The following SV2C variants were observed in gnomAD, a reference collection of about 807,000 sequenced individuals.
SV2C encodes the protein solute carrier family 22 member B3.
In SV2C, 49 loss-of-function variants were observed where a neutral mutation model predicts 79.7. That is an observed-to-expected ratio of 0.61 (90% CI 0.49 to 0.78). The LOEUF (loss-of-function observed/expected upper bound fraction) is 0.78, where lower values mean the gene tolerates loss of function less well. Among genes scored for constraint, SV2C ranks in the 30% least tolerant of loss-of-function variants. SV2C has a pLI of 0.00. For missense variants in SV2C, 833 were observed against 912.9 expected (o/e 0.91, Z 1.13); for synonymous variants, 334 against 333.2 (o/e 1.00, Z -0.03).
chr5:76,253,324 C>A (rs1181262256), intron 4 of SV2C, among the ~76,000 whole-genome samples: 2 of 152,118 alleles, frequency 1.3e-5, no homozygotes, highest in Non-Finnish European at 2.9e-5. Context: ...CGAGATCTCA[C>A]TCTGTCGCCC....
intron 4 of SV2C, among the ~76,000 whole-genome samples, chr5:76,221,856 C>T (rs934920818): frequency 2.0e-5 from 3 of 151,924 alleles, no homozygotes; most frequent in Non-Finnish European, 2.9e-5. Context: ...ACAAAGGCAC[C>T]CATACCTATG....
At chr5:75,999,375 AAGAGAGAGAGAGAG>A in the SV2C span, among the ~76,000 whole-genome samples, 7 of 134,808 alleles carry the variant, frequency 5.2e-5, no homozygotes, top group South Asian at 5.4e-4. Flanking sequence ...GGGAGGGAGA[AAGAGAGAGAGAGAG>A]AGAGAGAGAG....
chr5:76,266,203 T>C (rs918858798), intron 4 of SV2C, among the ~76,000 whole-genome samples: 5 of 152,060 alleles, frequency 3.3e-5, no homozygotes, highest in African/African-American at 1.2e-4. Flanking sequence ...AGTTTATCCT[T>C]TTTTATTTTA....
downstream of SV2C, among the ~76,000 whole-genome samples, chr5:76,336,851 G>A (rs1749339932): frequency 6.6e-6 from 1 of 152,216 alleles, no homozygotes; most frequent in African/African-American, 2.4e-5. Context: ...AGTGTATCAG[G>A]GATGATGGCA....
chr5:76,042,169 C>T, the SV2C span, among the ~76,000 whole-genome samples: 1 of 152,154 alleles, frequency 6.6e-6, no homozygotes, highest in African/African-American at 2.4e-5. Flanking sequence ...CATTCAGGCC[C>T]TTCTTCTTAA....
intron 12 of SV2C, among the ~76,000 whole-genome samples, chr5:76,313,036 C>T (rs780194173): frequency 5.3e-5 from 8 of 152,156 alleles, no homozygotes; most frequent in African/African-American, 1.9e-4. Flanking sequence ...ACCAGCTGTG[C>T]GACCTCAGGG....
chr5:76,033,890 T>C, the SV2C span, among the ~76,000 whole-genome samples: 2 of 151,636 alleles, frequency 1.3e-5, no homozygotes, highest in Non-Finnish European at 3.0e-5. Context: ...GCATGGAATG[T>C]TCTTCCATTT....
Position 76,132,047 on chromosome 5 carries a change from G to T in SV2C, c.297G>T (p.Met99Ile). Reference protein sequence around the residue: ...YEGEYQGIPSMNQAKDSIVSV... With the variant: ...YEGEYQGIPSINQAKDSIVSV... ...GGGAGTATCAGGGCATCCCCAGTATGAACCAAGCGAAGGACAGCATCGTGT... is the reference window on the plus strand; with the variant it reads ...GGGAGTATCAGGGCATCCCCAGTATTAACCAAGCGAAGGACAGCATCGTGT... The change falls in exon 2 of 13, where the codon ATG (methionine) becomes ATT (isoleucine). Residue 99 changes from methionine (M) to isoleucine (I), a missense_variant. By Grantham distance (10) the Met-to-Ile change is conservative. Coordinates refer to ENST00000502798, the MANE Select transcript of SV2C (RefSeq NM_014979.4). 6.2e-7 allele frequency: 1 copy of T among 1,611,888 alleles called. No homozygotes were observed. The highest frequency in any genetic ancestry group is 8.5e-7 in the Non-Finnish European group (1 of 1,178,704).
chr5:75,916,207 C>T, the SV2C span, among the ~76,000 whole-genome samples: 1 of 151,902 alleles, frequency 6.6e-6, no homozygotes, highest in African/African-American at 2.4e-5. Flanking sequence ...TCCTCTTCCT[C>T]CTCCTCCTCT....
intron 4 of SV2C, among the ~76,000 whole-genome samples, chr5:76,248,805 G>A (rs1029445693): frequency 1.3e-5 from 2 of 152,040 alleles, no homozygotes; most frequent in Non-Finnish European, 2.9e-5. Flanking sequence ...TTTTAGTAGA[G>A]ACAGGATTTC....
chr5:75,904,369 A>AAAAACAAAAC, the SV2C span, among the ~76,000 whole-genome samples: 8,799 of 149,084 alleles, frequency 0.059, 937 homozygotes, highest in African/African-American at 0.22. Flanking sequence ...CAGTCCTCAA[A>AAAAACAAAAC]AAAACAAAAC....
chr5:75,897,426 T>G, the SV2C span, among the ~76,000 whole-genome samples: 2 of 151,602 alleles, frequency 1.3e-5, no homozygotes, highest in Non-Finnish European at 2.9e-5. Flanking sequence ...CATTGATCTA[T>G]ATCTCTGTTT....
At chr5:76,099,453 T>C (rs1747668617) in intron 1 of SV2C, among the ~76,000 whole-genome samples, 1 of 151,952 alleles carries the variant, frequency 6.6e-6, no homozygotes, top group African/African-American at 2.4e-5. Flanking sequence ...ACTCAGGAAA[T>C]GATGACATCG....
chr5:76,019,825 G>C, the SV2C span, among the ~76,000 whole-genome samples: 45 of 152,296 alleles, frequency 3.0e-4, no homozygotes, highest in Non-Finnish European at 5.1e-4. Context: ...TAATACGAAT[G>C]AAAGGGATTT....
chr5:76,158,293 G>A (rs539761745), intron 2 of SV2C, among the ~76,000 whole-genome samples: 2 of 151,858 alleles, frequency 1.3e-5, no homozygotes, highest in East Asian at 3.9e-4. Context: ...ACTATATACT[G>A]TCTACAGAGC....
chr5:75,873,455 C>T, the SV2C span, among the ~76,000 whole-genome samples: 1 of 152,082 alleles, frequency 6.6e-6, no homozygotes, highest in Non-Finnish European at 1.5e-5. Context: ...TACAGGTTCT[C>T]ATATCTCAGA....
At chr5:76,093,305 C>A (rs148274993) in intron 1 of SV2C, among the ~76,000 whole-genome samples, 1 of 152,142 alleles carries the variant, frequency 6.6e-6, no homozygotes, top group Non-Finnish European at 1.5e-5. Context: ...TTGTTCCCTG[C>A]GCAAGGTCTG....
chr5:75,992,366 C>T, the SV2C span, among the ~76,000 whole-genome samples: 1 of 151,982 alleles, frequency 6.6e-6, no homozygotes. Flanking sequence ...TCTATATATG[C>T]AGTCCTCACT....
intron 12 of SV2C, among the ~76,000 whole-genome samples, chr5:76,349,467 G>A (rs936111696): frequency 1.0e-4 from 15 of 150,330 alleles, no homozygotes; most frequent in African/African-American, 3.7e-4. Flanking sequence ...AGGTGAGATC[G>A]CGCCACTGCA....
Sources: allele counts gnomAD v4.1 joint callset (sites outside exome capture counted in the v4.1 genomes callset), GRCh38; gene constraint gnomAD v4.1.1; transcripts MANE v1.5; gene names NCBI Gene and HGNC (gene_info 2026-07-23, HGNC 2026-07-21).